RNF212B: variants seen among roughly 807,000 people sequenced by gnomAD.
RNF212B encodes the protein E3 ubiquitin-protein ligase RNF212B.
RNF212B carries 52 observed loss-of-function variants against 55.5 expected under a neutral mutation model. The ratio of observed to expected loss-of-function variants is 0.94; its 90% CI spans 0.75 to 1.18. The LOEUF is 1.18. Among genes scored for constraint, RNF212B ranks in the 50% most tolerant of loss-of-function variants. RNF212B has a pLI of 0.00. For missense variants in RNF212B, 289 were observed against 350.4 expected, an observed-to-expected ratio of 0.82 and a Z score of 1.40; for synonymous variants, 99 against 121.4, an observed-to-expected ratio of 0.82 and a Z score of 1.21.
chr14:23,225,529 A>C (rs1881924912), intron 2 of RNF212B, among the ~76,000 whole-genome samples: 1 of 152,214 alleles, frequency 6.6e-6, no homozygotes, highest in African/African-American at 2.4e-5. Flanking sequence ...ACTGGAGGTC[A>C]TTATGTTAAG....
intron 3 of RNF212B, 21 bp downstream of exon 3, chr14:23,243,329 C>A: frequency 6.5e-7 from 1 of 1,540,586 alleles, no homozygotes; most frequent in South Asian, 1.2e-5. Flanking sequence ...CTCCCCCTGC[C>A]ACAAACTGTC....
intron 4 of RNF212B, among the ~76,000 whole-genome samples, chr14:23,251,822 A>AAAAAAAAAAAG (rs386380890): frequency 7.2e-5 from 11 of 151,896 alleles, no homozygotes; most frequent in South Asian, 6.2e-4. Flanking sequence ...CTCAAAAAAA[A>AAAAAAAAAAAG]AAAGAAAGAA....
intron 2 of RNF212B, among the ~76,000 whole-genome samples, chr14:23,219,753 T>G (rs553111360): frequency 6.6e-6 from 1 of 151,868 alleles, no homozygotes; most frequent in Non-Finnish European, 1.5e-5. Flanking sequence ...ATTACAGACA[T>G]GAGCCACCAC....
At position 23,270,759 on chromosome 14, in the gene RNF212B, A is replaced by G. The variant is rs1224629110; in HGVS notation, c.834+98A>G. The G allele has an allele frequency of 6.4e-6, 5 of 779,516 alleles. No individual in the cohort carries two copies. The African/African-American group carries it at 8.6e-5, about 13-fold the overall frequency. The allele number at this position is 779,516 out of a possible 1,614,324, so 48.3% of individuals were successfully genotyped here. On this transcript the variant is annotated intron_variant, in intron 14 of 14. Transcript: ENST00000430154. The stretch of plus-strand genomic sequence containing the variant: ...GGGTAGTGGAATATAACCAGTGAAG[A>G]ACGACATGGGTTTCAACTCTGGTAA...
chr14:23,223,640 C>T (rs549031552), intron 2 of RNF212B, among the ~76,000 whole-genome samples: 16 of 152,318 alleles, frequency 1.1e-4, no homozygotes, highest in African/African-American at 3.8e-4. Context: ...CAGGCGTGAG[C>T]CACCGCGCCC....
intron 2 of RNF212B, among the ~76,000 whole-genome samples, chr14:23,202,520 G>A (rs763913796): frequency 6.6e-6 from 1 of 152,066 alleles, no homozygotes; most frequent in Admixed American, 6.6e-5. Flanking sequence ...ATTTTGATTG[G>A]CATCTTCTAC....
chr14:23,271,108 G>A lies in RNF212B; in HGVS notation c.834+447G>A, dbSNP rs576878811. 5.9e-5 allele frequency among the ~76,000 whole-genome samples: 9 copies of A among 152,178 alleles called. No homozygotes were observed. The South Asian group carries it at 1.9e-3, about 32-fold the overall frequency. ...CTGATTCCAGCAACAAAAGGTAAAG[G>A]GCATGGTAACAAGGAGAGGTTTGTA... On this transcript the variant is annotated intron_variant, in intron 14 of 14. Transcript: ENST00000430154.
chr14:23,240,400 G>T lies in RNF212B; in HGVS notation c.55G>T (p.Val19Phe), dbSNP rs766170803. ...CFRKDGAHFFVTSCGHIFCKK... is the reference protein window; with the variant it reads ...CFRKDGAHFFFTSCGHIFCKK... ...CCGAAAAGATGGGGCCCATTTCTTT[G>T]TCACCAGCTGTGGCCATATTTTCTG... The change falls in exon 2 of 15, where the codon GTC becomes TTC. Residue 19 changes from valine to phenylalanine, a missense_variant. By Grantham distance (50) the Val-to-Phe change is conservative (BLOSUM62 -1). Transcript: ENST00000430154. 9.0e-6 allele frequency: 14 copies of T among 1,550,324 alleles called. No homozygotes were observed. The highest frequency in any genetic ancestry group is 1.2e-5 in the Non-Finnish European group (14 of 1,146,860).
intron 1 of RNF212B, 133 bp from the exon 2 acceptor site, chr14:23,240,212 G>T: frequency 1.6e-6 from 1 of 609,122 alleles, no homozygotes; most frequent in Non-Finnish European, 2.9e-6. Flanking sequence ...CAACCAATTG[G>T]AATACCCACA....
chr14:23,189,938 T>A (rs2038453585), intron 1 of RNF212B, among the ~76,000 whole-genome samples: 1 of 152,184 alleles, frequency 6.6e-6, no homozygotes, highest in African/African-American at 2.4e-5. Flanking sequence ...AAAGCTTTTG[T>A]CCCCATCACC....
intron 6 of RNF212B, 96 bp from the exon 7 acceptor site, chr14:23,260,560 AGGG>A (rs1288837585): frequency 2.8e-6 from 3 of 1,074,070 alleles, no homozygotes; most frequent in Non-Finnish European, 4.2e-6. Flanking sequence ...ACCATGACTA[AGGG>A]GCACTGAGCT....
chr14:23,207,411 C>A (rs968503564), intron 2 of RNF212B, among the ~76,000 whole-genome samples: 2 of 152,270 alleles, frequency 1.3e-5, no homozygotes, highest in African/African-American at 4.8e-5. Flanking sequence ...TGCCTTTCAT[C>A]GTCATGGAAG....
At chr14:23,189,889 T>G (rs1479111009) in intron 1 of RNF212B, among the ~76,000 whole-genome samples, 1 of 152,188 alleles carries the variant, frequency 6.6e-6, no homozygotes, top group Admixed American at 6.5e-5. Context: ...CTCCCATCTC[T>G]ACTTCCTCAT....
intron 4 of RNF212B, among the ~76,000 whole-genome samples, chr14:23,256,124 T>C (rs1884813794): frequency 1.3e-5 from 2 of 152,022 alleles, no homozygotes; most frequent in African/African-American, 4.8e-5. Flanking sequence ...CCCTTGGTAA[T>C]GTCAAAGGGA....
Position 23,210,828 on chromosome 14 carries a change from A to T in RNF212B, c.-2+17427A>T, listed in dbSNP as rs191837104. Among the ~76,000 whole-genome samples, 5 of 149,300 alleles carry T rather than the reference A, an allele frequency of 3.3e-5. No homozygotes were observed. The East Asian group carries it at 7.9e-4, about 24-fold the overall frequency. On this transcript the variant is annotated intron_variant, in intron 2 of 15. Coordinates refer to the RNF212B transcript ENST00000399910. The stretch of plus-strand genomic sequence containing the variant: ...AGGATGATAACATTAGGGAAAACTG[A>T]AACTGGGTGAAGGATATCCAGGAAC...
chr14:23,210,140 A>T (rs933709026), intron 2 of RNF212B, among the ~76,000 whole-genome samples: 1 of 152,168 alleles, frequency 6.6e-6, no homozygotes, highest in African/African-American at 2.4e-5. Flanking sequence ...ATAGAGTGAG[A>T]CTGTCTCAAA....
At chr14:23,212,073 C>T (rs1208923108) in intron 2 of RNF212B, among the ~76,000 whole-genome samples, 2 of 152,176 alleles carry the variant, frequency 1.3e-5, no homozygotes, top group African/African-American at 4.8e-5. Context: ...GCATTTAACA[C>T]AATCCAATAT....
At chr14:23,232,061 C>T (rs1017309738) in intron 2 of RNF212B, among the ~76,000 whole-genome samples, 8 of 152,178 alleles carry the variant, frequency 5.3e-5, no homozygotes, top group Non-Finnish European at 5.9e-5. Context: ...TGCCCGGCTG[C>T]CACCCCGTCT....
intron 2 of RNF212B, among the ~76,000 whole-genome samples, chr14:23,197,817 C>T (rs1216549752): frequency 6.7e-6 from 1 of 150,110 alleles, no homozygotes; most frequent in Non-Finnish European, 1.5e-5. Context: ...GTTTATTTCA[C>T]CTGGGTGCAG....
Sources: gnomAD v4.1 joint callset for allele counts (sites outside exome capture counted in the v4.1 genomes callset) on GRCh38, gnomAD v4.1.1 for gene constraint, MANE v1.5 for transcripts, NCBI Gene and HGNC (gene_info 2026-07-23, HGNC 2026-07-21) for gene names.